MYT1L: variants seen among roughly 807,000 people sequenced by gnomAD.
MYT1L encodes myelin transcription factor 1-like protein.
In MYT1L, 12 loss-of-function variants were observed where a neutral mutation model predicts 126.7. The observed-to-expected ratio is 0.09, with a 90% CI of 0.06 to 0.15. The LOEUF is 0.15. MYT1L is among the 10% of genes least tolerant of loss of function. The pLI, the probability that MYT1L is intolerant of heterozygous loss-of-function variation, is 1.00. For missense variants in MYT1L, 979 were observed against 1,585.2 expected (o/e 0.62, Z 6.49); for synonymous variants, 541 against 604.2 (o/e 0.90, Z 1.53).
intron 3 of MYT1L, among the ~76,000 whole-genome samples, chr2:2,117,490 C>T (rs2080370547): frequency 1.3e-5 from 2 of 152,050 alleles, no homozygotes; most frequent in East Asian, 3.9e-4. Context: ...TGATGGAAGA[C>T]GTGTGTCACT....
At chr2:1,813,796 G>A (rs936966541) in intron 21 of MYT1L, among the ~76,000 whole-genome samples, 2 of 148,908 alleles carry the variant, frequency 1.3e-5, no homozygotes, top group African/African-American at 2.5e-5. Context: ...GGGAGGCCGA[G>A]GCGGGCGGAT....
At position 1,793,876 on chromosome 2, in the gene MYT1L, G is replaced by A. The variant is rs1453688736; in HGVS notation, c.3277-1412C>T. ...CAGGAGTGGATGCCTGCCCTCCCAC[G>A]ACTCCTGGGTGGGCCTCGAAGGGCT... On this transcript the variant is annotated intron_variant, in intron 23 of 24. Coordinates refer to ENST00000647738, the MANE Select transcript of MYT1L (RefSeq NM_001303052.2). This position sits in a 1 kb window ranked among gnomAD's most constrained non-coding sequence, Gnocchi z 4.6. Among the ~76,000 whole-genome samples the A allele has an allele frequency of 1.3e-5, 2 of 152,122 alleles. No individual in the cohort carries two copies. The highest frequency in any genetic ancestry group is 2.1e-4 in the South Asian group (1 of 4,828).
chr2:2,327,024 A>G (rs2096252460), intron 1 of MYT1L: 1 of 152,240 alleles, frequency 6.6e-6, no homozygotes, highest in Admixed American at 6.5e-5. Flanking sequence ...GCATTGAAAT[A>G]GCCCACTGAT....
chr2:1,941,289 CATGA>C (rs1187539239), intron 9 of MYT1L, among the ~76,000 whole-genome samples: 2 of 152,198 alleles, frequency 1.3e-5, no homozygotes, highest in African/African-American at 4.8e-5. Context: ...TCGCACCAAA[CATGA>C]ATGCCTCCTG....
chr2:1,966,252 G>C (rs993091065), intron 8 of MYT1L, among the ~76,000 whole-genome samples: 6 of 152,236 alleles, frequency 3.9e-5, no homozygotes, highest in Admixed American at 3.3e-4. Flanking sequence ...GAAGAAACAG[G>C]CATCGCTTGA....
chr2:2,186,445 A>G (rs1034292037), intron 2 of MYT1L, among the ~76,000 whole-genome samples: 5 of 152,254 alleles, frequency 3.3e-5, no homozygotes, highest in Admixed American at 6.5e-5. Context: ...TCACCGCAAA[A>G]GAAATATGGA....
chr2:2,328,132 A>G (rs2149740733), intron 1 of MYT1L, among the ~76,000 whole-genome samples: 1 of 152,312 alleles, frequency 6.6e-6, no homozygotes, highest in South Asian at 2.1e-4. Context: ...TATTAACTCA[A>G]TTTTTTAATT....
chr2:2,111,414 G>A (rs992646699), intron 3 of MYT1L, among the ~76,000 whole-genome samples: 2 of 152,182 alleles, frequency 1.3e-5, no homozygotes, highest in East Asian at 1.9e-4. Flanking sequence ...AAGTGGTAAC[G>A]GCAGAGGAGA....
chr2:1,852,275 C>G lies in MYT1L; in HGVS notation c.2712-572G>C, dbSNP rs1034752654. 6.6e-6 allele frequency among the ~76,000 whole-genome samples: 1 copy of G among 152,134 alleles called. No homozygotes were observed. The highest frequency in any genetic ancestry group is 2.4e-5 in the African/African-American group (1 of 41,426). ...GCAGGCCGACTGTCTTTCCGATGAC[C>G]ACTGTGCACTCAGGCAGGTTTGATA... On this transcript the variant is annotated intron_variant, in intron 18 of 24. Coordinates refer to ENST00000647738, the MANE Select transcript of MYT1L (RefSeq NM_001303052.2). The surrounding 1 kb of genome is among the most constrained non-coding windows in gnomAD (Gnocchi z 4.0).
chr2:2,111,959 C>T (rs1055906176), intron 3 of MYT1L, among the ~76,000 whole-genome samples: 3 of 152,218 alleles, frequency 2.0e-5, no homozygotes, highest in African/African-American at 4.8e-5. Context: ...AAACAATTTG[C>T]GTCAGGTAAA....
intron 8 of MYT1L, among the ~76,000 whole-genome samples, chr2:1,960,144 T>C (rs76773379): frequency 0.012 from 1,862 of 152,286 alleles, 42 homozygotes; most frequent in African/African-American, 0.042. Flanking sequence ...AGAAATTGTC[T>C]ACACAGGCAG....
In MYT1L at chr2:1,883,445, C is replaced by T. The variant is rs141796095; in HGVS notation, c.2711+3094G>A. On this transcript the variant is annotated intron_variant, in intron 18 of 24. Coordinates refer to ENST00000647738, the MANE Select transcript of MYT1L (RefSeq NM_001303052.2). The stretch of plus-strand genomic sequence containing the variant: ...CCAGCTCTGATAGGTTTTGCAAGCT[C>T]TTTCCTGCTGTTTCTTTCAGGGAAT... Among the ~76,000 whole-genome samples the T allele has an allele frequency of 1.2e-4, 19 of 152,330 alleles. No homozygotes were observed. The East Asian group carries it at 3.7e-3, about 29-fold the overall frequency.
chr2:2,033,122 C>T (rs2066559455), intron 4 of MYT1L, among the ~76,000 whole-genome samples: 1 of 123,228 alleles, frequency 8.1e-6, no homozygotes, highest in South Asian at 2.8e-4. Flanking sequence ...CTTACACACA[C>T]CCCACACCCC....
chr2:1,883,310 C>A (rs1261739479), intron 18 of MYT1L, among the ~76,000 whole-genome samples: 3 of 152,216 alleles, frequency 2.0e-5, no homozygotes, highest in Non-Finnish European at 2.9e-5. Flanking sequence ...GTCATACCTA[C>A]ACCATGCCCA....
At chr2:2,156,276 G>A (rs1427964616) in intron 3 of MYT1L, among the ~76,000 whole-genome samples, 3 of 152,302 alleles carry the variant, frequency 2.0e-5, no homozygotes, top group Admixed American at 2.0e-4. Flanking sequence ...ATATTCCAGT[G>A]ACTTCTTACA....
intron 2 of MYT1L, among the ~76,000 whole-genome samples, chr2:2,203,652 G>A (rs1330145227): frequency 6.6e-6 from 1 of 151,986 alleles, no homozygotes; most frequent in African/African-American, 2.4e-5. Context: ...TCATGGATAG[G>A]AAGAATCAAT....
chr2:2,249,018 G>A (rs1366723324), intron 2 of MYT1L, among the ~76,000 whole-genome samples: 2 of 151,972 alleles, frequency 1.3e-5, no homozygotes, highest in Non-Finnish European at 2.9e-5. Context: ...CCCAGCCAGA[G>A]CAACCAGACA....
chr2:2,069,275 A>G (rs1389768845), intron 3 of MYT1L, among the ~76,000 whole-genome samples: 1 of 151,898 alleles, frequency 6.6e-6, no homozygotes, highest in Non-Finnish European at 1.5e-5. Context: ...CCCTGTGTCC[A>G]TGTGTTCTCA....
At chr2:1,795,451 C>T (rs948038252) in intron 23 of MYT1L, 4 of 152,634 alleles carry the variant, frequency 2.6e-5, no homozygotes, top group Admixed American at 6.5e-5. Flanking sequence ...AGGCCTCCTC[C>T]GAGGATGGGG....
Sources: allele counts gnomAD v4.1 joint callset (sites outside exome capture counted in the v4.1 genomes callset), GRCh38; gene constraint gnomAD v4.1.1; non-coding constraint Gnocchi (gnomAD v3.1); transcripts MANE v1.5; gene names NCBI Gene and HGNC (gene_info 2026-07-23, HGNC 2026-07-21).